MOGAT2: variants seen among roughly 807,000 people sequenced by gnomAD.
MOGAT2 encodes 2-acylglycerol O-acyltransferase 2.
In MOGAT2, 27 loss-of-function variants were observed where a neutral mutation model predicts 31.5. That is an observed-to-expected ratio of 0.86 (90% CI 0.63 to 1.18). The LOEUF is 1.18. Ranked by LOEUF, MOGAT2 falls within the 50% of genes most tolerant of loss-of-function variation. The pLI, the probability that MOGAT2 is intolerant of heterozygous loss-of-function variation, is 0.00. For synonymous variants in MOGAT2, 163 were observed against 170.0 expected, an observed-to-expected ratio of 0.96 and a Z score of 0.32; for missense variants, 436 against 433.2, an observed-to-expected ratio of 1.01 and a Z score of -0.06.
chr11:75,719,769 A>G (rs919057209), intron 1 of MOGAT2: 20 of 529,822 alleles, frequency 3.8e-5, no homozygotes, highest in African/African-American at 3.2e-4. Context: ...AGGCCTACCT[A>G]GGCTCAACGC....
intron 2 of MOGAT2, among the ~76,000 whole-genome samples, chr11:75,723,184 A>G (rs1446520235): frequency 1.3e-5 from 2 of 150,144 alleles, no homozygotes; most frequent in Non-Finnish European, 3.0e-5. Flanking sequence ...CTGGTCTCGA[A>G]CTCCTGACCG....
Position 75,731,299 on chromosome 11 carries a change from G to A in MOGAT2, c.*13G>A, listed in dbSNP as rs780777612. ...GGAGTTCTGCTGAGCCCAAAGGGCA[G>A]GGCCAACATTAGGGAGCCCAGCAGG... On this transcript the variant is annotated 3_prime_UTR_variant, in exon 6 of 6. Transcript: ENST00000198801. 1.9e-6 allele frequency: 3 copies of A among 1,612,962 alleles called. No homozygotes were observed. Among genetic ancestry groups the A allele is most frequent in the Admixed American group, 3.3e-5 (2 of 59,892 alleles).
intron 2 of MOGAT2, among the ~76,000 whole-genome samples, chr11:75,724,932 C>A (rs897862746): frequency 1.3e-5 from 2 of 152,192 alleles, no homozygotes; most frequent in African/African-American, 4.8e-5. Flanking sequence ...TATGGTGACA[C>A]AACGGTCCAT....
intron 5 of MOGAT2, 40 bp from the exon 6 acceptor site, chr11:75,731,092 T>A (rs1193550903): frequency 1.3e-6 from 2 of 1,589,756 alleles, no homozygotes; most frequent in African/African-American, 2.7e-5. Context: ...CGAGGGTCCC[T>A]TGCCTACCCT....
intron 4 of MOGAT2, 150 bp from the exon 5 acceptor site, chr11:75,728,640 G>T (rs954848465): frequency 1.5e-6 from 1 of 666,518 alleles, no homozygotes; most frequent in Non-Finnish European, 2.6e-6. Flanking sequence ...TGAAGGTCTG[G>T]GAGATAACCC....
intron 2 of MOGAT2, among the ~76,000 whole-genome samples, chr11:75,726,844 G>C (rs3862805): frequency 1.3e-5 from 2 of 151,892 alleles, no homozygotes; most frequent in South Asian, 4.2e-4. Context: ...GATTACAGGT[G>C]CCCGCCACCA....
chr11:75,721,724 G>C (rs549297831), intron 2 of MOGAT2, among the ~76,000 whole-genome samples: 1 of 152,138 alleles, frequency 6.6e-6, no homozygotes, highest in Non-Finnish European at 1.5e-5. Flanking sequence ...CCACACCTAC[G>C]TAACTTCTCC....
intron 2 of MOGAT2, among the ~76,000 whole-genome samples, chr11:75,724,732 C>A (rs1944405978): frequency 6.6e-6 from 1 of 152,116 alleles, no homozygotes; most frequent in Non-Finnish European, 1.5e-5. Flanking sequence ...TGTCCCATCT[C>A]CCCAGTTCCT....
At chr11:75,731,042 C>T in intron 5 of MOGAT2, 90 bp from the exon 6 acceptor site, 1 of 1,207,306 alleles carries the variant, frequency 8.3e-7, no homozygotes, top group East Asian at 2.5e-5. Context: ...AGTAAGAGCA[C>T]TTTTCTGCAG....
chr11:75,728,755 C>A (rs773581379), intron 4 of MOGAT2, 35 bp from the exon 5 acceptor site: 2 of 1,589,028 alleles, frequency 1.3e-6, no homozygotes, highest in Non-Finnish European at 1.7e-6. Context: ...TCTCTGGGGC[C>A]TCCCACATGC....
At chr11:75,725,880 T>C (rs549843924) in intron 2 of MOGAT2, among the ~76,000 whole-genome samples, 20 of 152,304 alleles carry the variant, frequency 1.3e-4, no homozygotes, top group African/African-American at 4.8e-4. Context: ...TATGTGTGAT[T>C]GGGCCAGAGA....
At chr11:75,726,314 C>T (rs565366604) in intron 2 of MOGAT2, among the ~76,000 whole-genome samples, 50 of 152,286 alleles carry the variant, frequency 3.3e-4, no homozygotes, top group African/African-American at 1.2e-3. Flanking sequence ...GAGCTTTCCA[C>T]CCAACAGGAC....
chr11:75,723,263 T>G (rs1944392854), intron 2 of MOGAT2, among the ~76,000 whole-genome samples: 1 of 83,920 alleles, frequency 1.2e-5, no homozygotes, highest in Non-Finnish European at 2.4e-5. Flanking sequence ...GTGCACTGTT[T>G]TGTTTTTTGT....
At position 75,727,610 on chromosome 11, in the gene MOGAT2, C is replaced by T; in HGVS notation, c.446C>T (p.Pro149Leu). 6.2e-7 allele frequency: 1 copy of T among 1,614,138 alleles called. No individual in the cohort carries two copies. The highest frequency in any genetic ancestry group is 8.5e-7 in the Non-Finnish European group (1 of 1,180,008). The change falls in exon 3 of 6, where the codon CCC becomes CTC. Residue 149 changes from proline to leucine, a missense_variant. Physicochemically the swap from Pro to Leu is moderately conservative, Grantham distance 98 (BLOSUM62 -3). Transcript: ENST00000198801. ...ATGCTGACCTTGTGGTTCCGGGCCC[C>T]CTTCTTCAGAGATTACATCATGTCT... ...LMMLTLWFRA[P>L]FFRDYIMSAG...
intron 2 of MOGAT2, among the ~76,000 whole-genome samples, chr11:75,723,686 A>C (rs1423796718): frequency 6.6e-6 from 1 of 152,190 alleles, no homozygotes; most frequent in Admixed American, 6.5e-5. Flanking sequence ...CACCACACCT[A>C]TCCCACACCT....
Position 75,731,290 on chromosome 11 carries a change from C to T in MOGAT2, c.*4C>T, listed in dbSNP as rs369795261. 5 of 1,613,626 alleles carry T rather than the reference C, an allele frequency of 3.1e-6. No homozygotes were observed. The highest frequency in any genetic ancestry group is 1.3e-5 in the African/African-American group (1 of 74,972). On this transcript the variant is annotated 3_prime_UTR_variant, in exon 6 of 6. Transcript: ENST00000198801. ...CCAGCACTTGGAGTTCTGCTGAGCC[C>T]AAAGGGCAGGGCCAACATTAGGGAG...
At chr11:75,728,483 C>T in intron 4 of MOGAT2, 1 of 547,358 alleles carries the variant, frequency 1.8e-6, no homozygotes, top group Non-Finnish European at 3.3e-6. Context: ...CATGAGCCAG[C>T]TGAGGTGGGA....
At chr11:75,727,346 G>T in intron 2 of MOGAT2, 89 bp from the exon 3 acceptor site, 2 of 1,253,932 alleles carry the variant, frequency 1.6e-6, no homozygotes, top group African/African-American at 1.5e-5. Flanking sequence ...GGCTCAGAGG[G>T]GAGGTTTCCC....
rs1194082945 is a variant in MOGAT2 at position 75,729,892 on chromosome 11, G to A, written c.850+903G>A. The stretch of plus-strand genomic sequence containing the variant: ...CCAGAGTAGCTGGGATTACAGGTGC[G>A]TGCCACCACGCCTGGGTAATTTTTG... On this transcript the variant is annotated intron_variant, in intron 5 of 5. Coordinates refer to ENST00000198801, the MANE Select transcript of MOGAT2 (RefSeq NM_025098.4). 3.3e-5 allele frequency among the ~76,000 whole-genome samples: 5 copies of A among 151,468 alleles called. No homozygotes were observed. In the South Asian group the frequency reaches 6.2e-4, roughly 19 times the overall value.
Sources: allele counts gnomAD v4.1 joint callset (sites outside exome capture counted in the v4.1 genomes callset), GRCh38; gene constraint gnomAD v4.1.1; transcripts MANE v1.5; gene names NCBI Gene and HGNC (gene_info 2026-07-23, HGNC 2026-07-21).